XRCC4: variants seen among roughly 807,000 people sequenced by gnomAD.
XRCC4 encodes the protein X-ray repair cross complementing 4.
In XRCC4, 28 loss-of-function variants were observed where a neutral mutation model predicts 39.1. The observed-to-expected ratio is 0.72, with a 90% CI of 0.53 to 0.98. The LOEUF is 0.98. Among genes scored for constraint, XRCC4 ranks in the 50% least tolerant of loss-of-function variants. XRCC4 has a pLI of 0.00. For synonymous variants in XRCC4, 123 were observed against 126.4 expected (o/e 0.97, Z 0.18); for missense variants, 350 against 376.4 (o/e 0.93, Z 0.58).
intron 7 of XRCC4, among the ~76,000 whole-genome samples, chr5:83,282,222 C>T (rs961178163): frequency 6.6e-6 from 1 of 152,030 alleles, no homozygotes; most frequent in African/African-American, 2.4e-5. Flanking sequence ...CAATGAGTGC[C>T]TTAAAACCGT....
At position 83,130,965 on chromosome 5, in the gene XRCC4, C is replaced by G. The variant is rs1234083125; in HGVS notation, c.315+19762C>G. ...TTTAAGGGTTTTTTGTGTCTCTTAT[C>G]TCCTTCAATTCTGCTCTGATCCTAG... On this transcript the variant is annotated intron_variant, in intron 3 of 7. Coordinates refer to ENST00000396027, the MANE Select transcript of XRCC4 (RefSeq NM_003401.5). Among the ~76,000 whole-genome samples the G allele has an allele frequency of 2.6e-5, 4 of 151,992 alleles. No homozygotes were observed. In the South Asian group the frequency reaches 6.2e-4, roughly 24 times the overall value.
intron 1 of XRCC4, among the ~76,000 whole-genome samples, chr5:83,092,005 C>T (rs902846865): frequency 2.6e-4 from 40 of 152,090 alleles, no homozygotes; most frequent in Admixed American, 1.6e-3. Flanking sequence ...CCCTTTTTCT[C>T]CACCTTCTTG....
intron 7 of XRCC4, among the ~76,000 whole-genome samples, chr5:83,298,823 G>A (rs1312624503): frequency 6.6e-6 from 1 of 151,890 alleles, no homozygotes; most frequent in Non-Finnish European, 1.5e-5. Context: ...GGAGTCTTCT[G>A]ATTTGGAAGA....
the XRCC4 span, among the ~76,000 whole-genome samples, chr5:83,369,049 A>G: frequency 6.6e-6 from 1 of 152,232 alleles, no homozygotes; most frequent in Admixed American, 6.5e-5. Flanking sequence ...CGTTACTAGC[A>G]TTAAGCAAAT....
At chr5:83,339,541 G>A (rs1289903721) in intron 7 of XRCC4, among the ~76,000 whole-genome samples, 1 of 151,968 alleles carries the variant, frequency 6.6e-6, no homozygotes, top group Non-Finnish European at 1.5e-5. Flanking sequence ...ACTAGTTGAT[G>A]GGTGCGGCAA....
intron 6 of XRCC4, among the ~76,000 whole-genome samples, chr5:83,222,563 C>T (rs1341545036): frequency 6.6e-6 from 1 of 152,020 alleles, no homozygotes; most frequent in East Asian, 1.9e-4. Context: ...CTGGAGAACC[C>T]TCATTTTCTT....
chr5:83,167,884 C>T (rs67683443), intron 3 of XRCC4, among the ~76,000 whole-genome samples: 61,516 of 151,908 alleles, frequency 0.4, 12,966 homozygotes, highest in South Asian at 0.48. Context: ...ATATATTCAG[C>T]AGCCACAAGA....
intron 1 of XRCC4, among the ~76,000 whole-genome samples, chr5:83,101,060 A>G (rs935599798): frequency 2.6e-5 from 4 of 152,110 alleles, no homozygotes; most frequent in African/African-American, 9.7e-5. Context: ...AAAATTTTAC[A>G]TGCCTAATTG....
chr5:83,356,711 A>T (rs779595178), downstream of XRCC4: 6 of 454,446 alleles, frequency 1.3e-5, no homozygotes, highest in South Asian at 9.3e-5. Context: ...TTCTCCTCAC[A>T]TTTTTTTAAT....
At chr5:83,159,579 C>T (rs1749111577) in intron 3 of XRCC4, among the ~76,000 whole-genome samples, 1 of 152,082 alleles carries the variant, frequency 6.6e-6, no homozygotes, top group Non-Finnish European at 1.5e-5. Context: ...AACCAAGGGG[C>T]CTCACATGAC....
chr5:83,312,115 A>G (rs1019546463), intron 7 of XRCC4, among the ~76,000 whole-genome samples: 1 of 152,164 alleles, frequency 6.6e-6, no homozygotes, highest in Admixed American at 6.5e-5. Flanking sequence ...TCTGCTACAG[A>G]AAACCCTCTC....
chr5:83,371,315 A>G, the XRCC4 span, among the ~76,000 whole-genome samples: 1 of 152,164 alleles, frequency 6.6e-6, no homozygotes, highest in East Asian at 1.9e-4. Context: ...AACACTTAGC[A>G]CATTCTATTT....
intron 6 of XRCC4, among the ~76,000 whole-genome samples, chr5:83,230,295 A>C (rs936277017): frequency 6.6e-6 from 1 of 151,972 alleles, no homozygotes. Flanking sequence ...GAAAAATCTG[A>C]AGGTTGTTTT....
chr5:83,373,771 A>C, the XRCC4 span, among the ~76,000 whole-genome samples: 1 of 152,154 alleles, frequency 6.6e-6, no homozygotes, highest in African/African-American at 2.4e-5. Context: ...GCAGAAGATA[A>C]CAGTATTTAC....
rs75808462 is a variant in XRCC4, at chr5:83,146,367, C to T, written c.315+35164C>T. On this transcript the variant is annotated intron_variant, in intron 3 of 7. Coordinates refer to ENST00000396027, the MANE Select transcript of XRCC4 (RefSeq NM_003401.5). ...GAAAAAACAAGTAATAAGCCCAGGT[C>T]ATGCATTGGCAAATGGACAGTTTGT... Among the ~76,000 whole-genome samples the T allele has an allele frequency of 3.8e-3, 575 of 152,292 alleles. 2 individuals carry two copies. The highest frequency in any genetic ancestry group is 5.9e-3 in the Non-Finnish European group (399 of 68,026).
intron 3 of XRCC4, among the ~76,000 whole-genome samples, chr5:83,194,936 A>G (rs1425131148): frequency 6.6e-6 from 1 of 152,186 alleles, no homozygotes; most frequent in Non-Finnish European, 1.5e-5. Context: ...ATCCTAGTTT[A>G]TATTTTTGCT....
At chr5:83,111,487 G>A (rs903232421) in intron 3 of XRCC4, among the ~76,000 whole-genome samples, 1 of 151,966 alleles carries the variant, frequency 6.6e-6, no homozygotes, top group Admixed American at 6.6e-5. Context: ...CTTGAAAAAG[G>A]TGAGATCAGA....
chr5:83,222,592 C>G (rs890089553), intron 6 of XRCC4, among the ~76,000 whole-genome samples: 4 of 152,024 alleles, frequency 2.6e-5, no homozygotes, highest in Non-Finnish European at 5.9e-5. Flanking sequence ...CTTTATTGGC[C>G]AAATTCAGGA....
At chr5:83,130,397 G>A (rs991232179) in intron 3 of XRCC4, among the ~76,000 whole-genome samples, 7 of 152,106 alleles carry the variant, frequency 4.6e-5, no homozygotes, top group Admixed American at 1.3e-4. Context: ...TTTTTGCATC[G>A]ATATTCTTCA....
Sources: allele counts gnomAD v4.1 joint callset (sites outside exome capture counted in the v4.1 genomes callset), GRCh38; gene constraint gnomAD v4.1.1; transcripts MANE v1.5; gene names NCBI Gene and HGNC (gene_info 2026-07-23, HGNC 2026-07-21).